Variants in PTPN14 observed in about 807,000 individuals in gnomAD.
PTPN14 encodes protein tyrosine phosphatase non-receptor type 14.
PTPN14 carries 53 observed loss-of-function variants against 126.8 expected under a neutral mutation model. The ratio of observed to expected loss-of-function variants is 0.42; its 90% confidence interval spans 0.34 to 0.53. The LOEUF (loss-of-function observed/expected upper bound fraction) is 0.53. Ranked by LOEUF, PTPN14 falls within the 20% of genes least tolerant of loss-of-function variation. The pLI is 0.08. For synonymous variants in PTPN14, 630 were observed against 599.3 expected (o/e 1.05, Z -0.75); for missense variants, 1,257 against 1,552.9 (o/e 0.81, Z 3.20).
At chr1:214,448,052 C>G (rs190190637) in intron 3 of PTPN14, among the ~76,000 whole-genome samples, 1 of 152,186 alleles carries the variant, frequency 6.6e-6, no homozygotes, top group Non-Finnish European at 1.5e-5. Context: ...TACTCTATAC[C>G]TCCCTCTTTG....
rs962182089 is a variant in PTPN14, at chr1:214,451,839, G to A, written c.310C>T (p.Pro104Ser). ...LLFFGVMFYV[P>S]NVSWLQQEAT... ...TCTTGCTGAAGCCATGACACATTTG[G>A]CACATAGAACATGACTCCAAAGAAA... Residue 104 changes from proline to serine, a missense_variant, in exon 3 of 19, where the codon CCA becomes TCA. Physicochemically the swap from Pro to Ser is moderately conservative, Grantham distance 74. This residue lies in a region of PTPN14 where 1,021 missense variants were observed against 1,183.3 expected (regional missense o/e 0.86). Coordinates refer to ENST00000366956, the MANE Select transcript of PTPN14 (RefSeq NM_005401.5). 8.1e-6 allele frequency: 13 copies of A among 1,614,168 alleles called. No homozygotes were observed. Among genetic ancestry groups the A allele is most frequent in the Non-Finnish European group, 1.1e-5 (13 of 1,180,026 alleles).
chr1:214,464,309 C>T (rs1660577650), intron 2 of PTPN14, among the ~76,000 whole-genome samples: 1 of 151,320 alleles, frequency 6.6e-6, no homozygotes, highest in Non-Finnish European at 1.5e-5. Context: ...CAGCTACCCA[C>T]TCAATTGTTT....
chr1:214,523,050 A>G (rs1342260739), intron 1 of PTPN14, among the ~76,000 whole-genome samples: 1 of 152,222 alleles, frequency 6.6e-6, no homozygotes, highest in Non-Finnish European at 1.5e-5. Flanking sequence ...AGACTTAATC[A>G]TACTTAGTGA....
At chr1:214,425,772 A>T (rs1659647789) in intron 3 of PTPN14, among the ~76,000 whole-genome samples, 1 of 152,236 alleles carries the variant, frequency 6.6e-6, no homozygotes, top group African/African-American at 2.4e-5. Flanking sequence ...GAGCCTTCAA[A>T]TAGTTATTAA....
intron 1 of PTPN14, among the ~76,000 whole-genome samples, chr1:214,515,044 A>T (rs949527785): frequency 1.2e-4 from 18 of 152,302 alleles, no homozygotes; most frequent in African/African-American, 4.1e-4. Flanking sequence ...GCAAGAACAG[A>T]AATTCTTCCT....
intron 1 of PTPN14, among the ~76,000 whole-genome samples, chr1:214,476,018 T>C (rs1660859085): frequency 6.6e-6 from 1 of 152,090 alleles, no homozygotes; most frequent in Non-Finnish European, 1.5e-5. Flanking sequence ...CCATCAGCAG[T>C]TTATCTTTGC....
intron 7 of PTPN14, among the ~76,000 whole-genome samples, chr1:214,400,169 G>A (rs892255271): frequency 1.6e-4 from 25 of 152,286 alleles, no homozygotes; most frequent in African/African-American, 6.0e-4. Context: ...CCAATCAAAA[G>A]AGACTCCAGT....
chr1:214,418,903 G>A lies in PTPN14; in HGVS notation c.345-4177C>T, dbSNP rs183132585. Among the ~76,000 whole-genome samples the A allele has an allele frequency of 1.7e-3, 266 of 152,306 alleles. 2 individuals carry two copies. The highest frequency in any genetic ancestry group is 0.012 in the South Asian group (58 of 4,826). ...GTTAATTTTCGAAGAAGGATGGAGGGATAGAAGTAAAATCTACAGACCAGA... is the reference window on the plus strand; with the variant it reads ...GTTAATTTTCGAAGAAGGATGGAGGAATAGAAGTAAAATCTACAGACCAGA... On this transcript the variant is annotated intron_variant, in intron 3 of 18. Transcript: ENST00000366956.
At chr1:214,452,037 G>A in intron 2 of PTPN14, 63 bp from the exon 3 acceptor site, 1 of 1,526,316 alleles carries the variant, frequency 6.6e-7, no homozygotes, top group Admixed American at 1.9e-5. Context: ...GGCCACACAA[G>A]AAACGAGACT....
At chr1:214,473,454 T>C (rs1432114672) in intron 1 of PTPN14, among the ~76,000 whole-genome samples, 1 of 152,226 alleles carries the variant, frequency 6.6e-6, no homozygotes, top group Non-Finnish European at 1.5e-5. Flanking sequence ...AACTCTTTAT[T>C]TTTTTTCTTA....
intron 1 of PTPN14, among the ~76,000 whole-genome samples, chr1:214,536,555 C>T (rs1655713537): frequency 6.6e-6 from 1 of 151,568 alleles, no homozygotes; most frequent in African/African-American, 2.4e-5. Context: ...GAAGCTGAGG[C>T]GGGAGGATCA....
chr1:214,383,852 C>T lies in PTPN14; in HGVS notation c.2003G>A (p.Arg668His), dbSNP rs779691111. 2.9e-5 allele frequency: 47 copies of T among 1,612,552 alleles called. No individual in the cohort carries two copies. The highest frequency in any genetic ancestry group is 1.2e-4 in the South Asian group (11 of 91,066). The change falls in exon 13 of 19, where the codon CGC becomes CAC. Residue 668 changes from arginine (R) to histidine (H), a missense_variant. Around this residue, in one of 3 missense-constraint regions of PTPN14, gnomAD observed 1,021 missense variants for 1,183.3 expected, o/e 0.86. Coordinates refer to ENST00000366956, the MANE Select transcript of PTPN14 (RefSeq NM_005401.5). This position sits in a 1 kb window ranked among gnomAD's most constrained non-coding sequence, Gnocchi z 4.4. ...LKSLHLPMARRNTLREQGPPE... is the reference protein window; with the variant it reads ...LKSLHLPMARHNTLREQGPPE... ...CGGTCCCTGCTCCCGGAGCGTGTTG[C>T]GGCGAGCCATGGGGAGGTGGAGCGA...
At chr1:214,544,897 AGAAAG>A (rs552130981) in intron 1 of PTPN14, among the ~76,000 whole-genome samples, 29 of 152,196 alleles carry the variant, frequency 1.9e-4, no homozygotes, top group Middle Eastern at 6.8e-3. Context: ...GAAAGAGAAA[AGAAAG>A]GAAAGGAAAG....
At chr1:214,476,879 C>T (rs1161641526) in intron 1 of PTPN14, among the ~76,000 whole-genome samples, 1 of 152,166 alleles carries the variant, frequency 6.6e-6, no homozygotes, top group African/African-American at 2.4e-5. Flanking sequence ...TGTTTGCTAT[C>T]ACCGCCATTA....
rs1208869264 is a variant in PTPN14, at chr1:214,414,668, A to G, written c.403T>C (p.Leu135=). 1.9e-6 allele frequency: 3 copies of G among 1,614,110 alleles called. No individual in the cohort carries two copies. The highest frequency in any genetic ancestry group is 2.5e-6 in the Non-Finnish European group (3 of 1,179,950). The part of the protein sequence containing the change: ...DVLEGRLRCT[L]DQVIRLAGLA... ...CCGGCTAGCCGAATCACCTGGTCCA[A>G]TGTACATCGTAATCGCCCTTCAAGC... The change falls in exon 4 of 19, where the codon TTG becomes CTG. Residue 135 remains leucine, a synonymous_variant. Transcript: ENST00000366956.
intron 11 of PTPN14, among the ~76,000 whole-genome samples, chr1:214,388,361 C>T (rs924175203): frequency 2.0e-5 from 3 of 151,832 alleles, no homozygotes; most frequent in African/African-American, 4.8e-5. Flanking sequence ...AAAACGCTTA[C>T]GTTTGTAAGC....
Position 214,394,897 on chromosome 1 carries a change from A to G in PTPN14, c.846+2T>C. On this transcript the variant is annotated splice_donor_variant, in intron 9 of 18. Coordinates refer to ENST00000366956, the MANE Select transcript of PTPN14 (RefSeq NM_005401.5). LOFTEE classifies it high-confidence loss of function. ...CCCTGACTGTTTGTCTGTTGTGCTT[A>G]CCGTGTGAAAGAGGGCAGTCTCTTC... The G allele has an allele frequency of 6.2e-7, 1 of 1,609,820 alleles. No individual in the cohort carries two copies. Among genetic ancestry groups the G allele is most frequent in the Non-Finnish European group, 8.5e-7 (1 of 1,176,120 alleles).
Position 214,357,915 on chromosome 1 carries a change from G to A in PTPN14, c.*7C>T. ...GGGTCCCTCCTCCAGGAGCTGGATT[G>A]GGGTGATTAAATGAGTCTGGAGTTT... On this transcript the variant is annotated 3_prime_UTR_variant, in exon 19 of 19. Coordinates refer to ENST00000366956, the MANE Select transcript of PTPN14 (RefSeq NM_005401.5). 1 of 1,611,344 alleles carries A rather than the reference G, an allele frequency of 6.2e-7. No individual in the cohort carries two copies. The highest frequency in any genetic ancestry group is 2.2e-5 in the East Asian group (1 of 44,846).
At chr1:214,402,679 G>A (rs868568949) in intron 6 of PTPN14, among the ~76,000 whole-genome samples, 79 of 74,928 alleles carry the variant, frequency 1.1e-3, no homozygotes, top group Non-Finnish European at 1.9e-3. Context: ...GGAAGGAAGG[G>A]AGGGAGGGAA....
Sources: gnomAD v4.1 joint callset for allele counts (sites outside exome capture counted in the v4.1 genomes callset) on GRCh38, gnomAD v4.1.1 for gene constraint, gnomAD v4.1.1 regional missense constraint, Gnocchi (gnomAD v3.1) non-coding constraint, MANE v1.5 for transcripts, NCBI Gene and HGNC (gene_info 2026-07-23, HGNC 2026-07-21) for gene names.